The following ACTR6 variants were observed in gnomAD, a reference collection of about 807,000 sequenced individuals.
ACTR6 encodes the protein actin-related protein 6.
Under a neutral mutation model 52.5 loss-of-function variants are expected in ACTR6, and 50 were observed. That is an observed-to-expected ratio of 0.95 (90% CI 0.76 to 1.20). The LOEUF is 1.20. Among genes scored for constraint, ACTR6 ranks in the 50% most tolerant of loss-of-function variants. ACTR6 has a pLI of 0.00. For missense variants in ACTR6, 344 were observed against 472.4 expected (o/e 0.73, Z 2.52); for synonymous variants, 135 against 147.2 (o/e 0.92, Z 0.60).
At chr12:100,204,537 T>G (rs185602421) in intron 1 of ACTR6, among the ~76,000 whole-genome samples, 2 of 152,092 alleles carry the variant, frequency 1.3e-5, no homozygotes, top group Admixed American at 1.3e-4. Context: ...ATTTTTGTGT[T>G]TTTTTTTAGT....
chr12:100,204,595 C>G (rs1186045951), intron 1 of ACTR6, among the ~76,000 whole-genome samples: 2 of 152,110 alleles, frequency 1.3e-5, no homozygotes, highest in African/African-American at 4.8e-5. Flanking sequence ...GAACTCCTGA[C>G]CTCAAGTGAT....
chr12:100,218,493 G>A lies in ACTR6; in HGVS notation c.829G>A (p.Val277Ile), dbSNP rs1466219443. 6.2e-7 allele frequency: 1 copy of A among 1,607,224 alleles called. No homozygotes were observed. Among genetic ancestry groups the A allele is most frequent in the Non-Finnish European group, 8.5e-7 (1 of 1,176,828 alleles). ...ILRLANERFA[V>I]PEILFNPSDI... ...TCGTTTGGCCAATGAGAGATTTGCT[G>A]TTCCGGAAATACTCTTTAATCCTTC... The change falls in exon 9 of 11, where the codon GTT becomes ATT. Residue 277 changes from valine (V) to isoleucine (I), a missense_variant. Coordinates refer to ENST00000188312, the MANE Select transcript of ACTR6 (RefSeq NM_022496.5). The surrounding 1 kb of genome is among the most constrained non-coding windows in gnomAD (Gnocchi z 4.2).
rs2096125193 is a variant in ACTR6 at position 100,218,013 on chromosome 12, T to G, written c.751-402T>G. On this transcript the variant is annotated intron_variant, in intron 8 of 10. Transcript: ENST00000188312. The surrounding 1 kb of genome is among the most constrained non-coding windows in gnomAD (Gnocchi z 4.2). ...TTTTCTTTGTATTTTAATTTTTGTT[T>G]TGTTTTTTAAGAGACGGGGGTCTCG... Among the ~76,000 whole-genome samples, 1 of 152,166 alleles carries G rather than the reference T, an allele frequency of 6.6e-6. No homozygotes were observed. The highest frequency in any genetic ancestry group is 6.5e-5 in the Admixed American group (1 of 15,276).
rs375456892 is a variant in ACTR6, at chr12:100,223,921, A to T, written c.*6A>T. On this transcript the variant is annotated 3_prime_UTR_variant, in exon 11 of 11. Coordinates refer to ENST00000188312, the MANE Select transcript of ACTR6 (RefSeq NM_022496.5). ...AAGAGAAATTTGATATTTAAGCAAC[A>T]TTTTTGAATGAAAGTTGTGACCATA... is the stretch of plus-strand genomic sequence containing the variant. The T allele has an allele frequency of 9.4e-6, 15 of 1,599,866 alleles. No homozygotes were observed. The highest frequency in any genetic ancestry group is 1.2e-5 in the Non-Finnish European group (14 of 1,176,526).
chr12:100,216,688 C>T (rs1362536774), intron 8 of ACTR6, among the ~76,000 whole-genome samples: 1 of 152,138 alleles, frequency 6.6e-6, no homozygotes, highest in Non-Finnish European at 1.5e-5. Flanking sequence ...TGAGTTATAT[C>T]CCTTAAACTC....
At position 100,201,933 on chromosome 12, in the gene ACTR6, T is replaced by C. The variant is rs1053459491; in HGVS notation, c.68+1014T>C. ...CCCTACACCCAGCTGACAAAGCAAT[T>C]TTTTTTTTTTTTTTTGGAGAGGGAG... On this transcript the variant is annotated intron_variant, in intron 1 of 10. Coordinates refer to ENST00000188312, the MANE Select transcript of ACTR6 (RefSeq NM_022496.5). 2.9e-3 allele frequency among the ~76,000 whole-genome samples: 327 copies of C among 114,482 alleles called. 1 individual carries two copies. The highest frequency in any genetic ancestry group is 4.5e-3 in the Non-Finnish European group (279 of 62,662). 75.1% of individuals were successfully genotyped at this position (114,482 alleles called of 152,430 possible). A position where few individuals can be genotyped will look rare whatever the true frequency, so the allele number is the denominator to read the frequency against.
chr12:100,209,116 T>C (rs114254905), intron 4 of ACTR6, among the ~76,000 whole-genome samples: 404 of 152,344 alleles, frequency 2.7e-3, no homozygotes, highest in African/African-American at 9.0e-3. Flanking sequence ...TCTGTAAATA[T>C]CATCTAGAAG....
intron 8 of ACTR6, among the ~76,000 whole-genome samples, chr12:100,214,228 A>T (rs935773358): frequency 3.3e-5 from 5 of 152,220 alleles, no homozygotes; most frequent in Admixed American, 6.5e-5. Flanking sequence ...TATGTGAATG[A>T]TAAAATACCA....
At chr12:100,223,331 A>T (rs2096129798) in intron 10 of ACTR6, among the ~76,000 whole-genome samples, 1 of 151,164 alleles carries the variant, frequency 6.6e-6, no homozygotes, top group Non-Finnish European at 1.5e-5. Flanking sequence ...ATAGAGTGAG[A>T]CTCCGTCTCA....
In ACTR6 at chr12:100,210,708, ACT is replaced by A. The variant is rs200121459; in HGVS notation, c.572+369_572+370del. ...ACTCCAGCCTGGGTGACAAAGTGAG[ACT>A]CTCTCTCTCTCAAAAAAAAAAAAAA... On this transcript the variant is annotated intron_variant, in intron 6 of 10. Coordinates refer to ENST00000188312, the MANE Select transcript of ACTR6 (RefSeq NM_022496.5). Among the ~76,000 whole-genome samples, 22 of 148,690 alleles carry A rather than the reference ACT, an allele frequency of 1.5e-4. No individual in the cohort carries two copies. The East Asian group carries it at 2.8e-3, about 19-fold the overall frequency.
At position 100,224,405 on chromosome 12, in the gene ACTR6, T is replaced by TA. The variant is rs2096130620; in HGVS notation, c.*493dup. ...TTTAAAAGGGTGGAGACTAAGCTAA[T>TA]AAAGTTTTTTTGGCCACTACTGTGT... On this transcript the variant is annotated 3_prime_UTR_variant, in exon 11 of 11. Transcript: ENST00000188312. 6.6e-6 allele frequency: 1 copy of TA among 152,254 alleles called. No individual in the cohort carries two copies. The highest frequency in any genetic ancestry group is 2.1e-4 in the South Asian group (1 of 4,830). 9.4% of individuals were successfully genotyped at this position (152,254 alleles called of 1,614,324 possible). A position where few individuals can be genotyped will look rare whatever the true frequency, so the allele number is the denominator to read the frequency against.
Position 100,200,905 on chromosome 12 carries a change from C to T in ACTR6, c.54C>T (p.Ser18=). 1 of 1,614,072 alleles carries T rather than the reference C, an allele frequency of 6.2e-7. No homozygotes were observed. Among genetic ancestry groups the T allele is most frequent in the African/African-American group, 1.3e-5 (1 of 75,022 alleles). The change falls in exon 1 of 11, where the codon AGC becomes AGT. Residue 18 remains serine (S), a synonymous_variant. Transcript: ENST00000188312. ...CTTACAACGCCAAAATCGGTTACAGCCATGAAAATGTGTCGTAAGTACTTT... is the reference window on the plus strand; with the variant it reads ...CTTACAACGCCAAAATCGGTTACAGTCATGAAAATGTGTCGTAAGTACTTT... ...NGAYNAKIGY[S]HENVSVIPNC...
In ACTR6 at chr12:100,223,875, A is replaced by G. The variant is rs752234982; in HGVS notation, c.1151A>G (p.Glu384Gly). ...DMVVTREDYEENGHSVCEEKF... is the reference protein window; with the variant it reads ...DMVVTREDYEGNGHSVCEEKF... The stretch of plus-strand genomic sequence containing the variant: ...GTGGTAACAAGAGAAGATTACGAAG[A>G]AAATGGACATAGCGTCTGTGAAGAG... The change falls in exon 11 of 11, where the codon GAA becomes GGA. Residue 384 changes from glutamate (E) to glycine (G), a missense_variant. Physicochemically the swap from Glu to Gly is moderately conservative, Grantham distance 98. Coordinates refer to ENST00000188312, the MANE Select transcript of ACTR6 (RefSeq NM_022496.5). 3.1e-6 allele frequency: 5 copies of G among 1,611,330 alleles called. No homozygotes were observed. The African/African-American group carries it at 6.7e-5, about 22-fold the overall frequency.
intron 1 of ACTR6, among the ~76,000 whole-genome samples, chr12:100,202,817 A>T (rs1212729154): frequency 1.3e-5 from 2 of 150,576 alleles, no homozygotes; most frequent in African/African-American, 4.9e-5. Context: ...AGATCACGCC[A>T]CTGCACTCCA....
intron 1 of ACTR6, among the ~76,000 whole-genome samples, chr12:100,202,257 A>G (rs2096110380): frequency 6.6e-6 from 1 of 152,122 alleles, no homozygotes; most frequent in South Asian, 2.1e-4. Flanking sequence ...GTTATTACCT[A>G]GAGAATTAAT....
chr12:100,204,063 T>TA (rs1191960277), intron 1 of ACTR6: 1 of 152,262 alleles, frequency 6.6e-6, no homozygotes, highest in African/African-American at 2.4e-5. Flanking sequence ...AAGCAATACT[T>TA]ACCTGTAAGG....
chr12:100,214,562 C>CAAA (rs1258155369), intron 8 of ACTR6, among the ~76,000 whole-genome samples: 1 of 64,828 alleles, frequency 1.5e-5, no homozygotes, highest in Non-Finnish European at 3.5e-5. Context: ...CCTGTCTCTA[C>CAAA]AAAAAAAAAA....
rs1592852626 is a variant in ACTR6 at position 100,223,944 on chromosome 12, A to G, written c.*29A>G. On this transcript the variant is annotated 3_prime_UTR_variant, in exon 11 of 11. Transcript: ENST00000188312. Reference sequence around the variant, plus strand: ...ACATTTTTGAATGAAAGTTGTGACCATAAGGTTTAATTTCAAAGTTCCTTT... The same window carrying G: ...ACATTTTTGAATGAAAGTTGTGACCGTAAGGTTTAATTTCAAAGTTCCTTT... 6.3e-7 allele frequency: 1 copy of G among 1,586,734 alleles called. No homozygotes were observed.
chr12:100,205,363 G>A (rs2096113581), intron 2 of ACTR6: 6 of 285,544 alleles, frequency 2.1e-5, no homozygotes, highest in Non-Finnish European at 3.8e-5. Context: ...TTGCTTATTT[G>A]TGAGTTTGTT....
Sources: gnomAD v4.1 joint callset for allele counts (sites outside exome capture counted in the v4.1 genomes callset) on GRCh38, gnomAD v4.1.1 for gene constraint, Gnocchi (gnomAD v3.1) non-coding constraint, MANE v1.5 for transcripts, NCBI Gene and HGNC (gene_info 2026-07-23, HGNC 2026-07-21) for gene names.